The following THSD7B variants were observed in gnomAD, a reference collection of about 807,000 sequenced individuals.
The protein encoded by THSD7B is thrombospondin type 1 domain containing 7B.
Under a neutral mutation model 213.6 loss-of-function variants are expected in THSD7B, and 138 were observed. The ratio of observed to expected loss-of-function variants is 0.65; its 90% CI spans 0.56 to 0.74. THSD7B has a LOEUF of 0.74. THSD7B is among the 30% of genes least tolerant of loss of function. The probability of loss-of-function intolerance (pLI) is 0.00; values close to 1 mark genes in which losing one functional copy is unlikely to be tolerated. For synonymous variants in THSD7B, 742 were observed against 687.0 expected, an observed-to-expected ratio of 1.08 and a Z score of -1.25; for missense variants, 1,931 against 1,991.5, an observed-to-expected ratio of 0.97 and a Z score of 0.58.
chr2:137,446,679 G>C (rs1687548059), intron 14 of THSD7B, among the ~76,000 whole-genome samples: 1 of 151,944 alleles, frequency 6.6e-6, no homozygotes, highest in African/African-American at 2.4e-5. Context: ...AGTATCCCTA[G>C]GCCAAGTAAT....
At chr2:137,671,770 C>G (rs1477412501) in intron 27 of THSD7B, among the ~76,000 whole-genome samples, 1 of 152,152 alleles carries the variant, frequency 6.6e-6, no homozygotes, top group Non-Finnish European at 1.5e-5. Flanking sequence ...CAAAGCCTAA[C>G]CGTATCAGGC....
intron 23 of THSD7B, 40 bp downstream of exon 23, chr2:137,657,009 C>G (rs765541750): frequency 1.2e-6 from 2 of 1,613,074 alleles, no homozygotes. Flanking sequence ...CTTCATTGAT[C>G]AATGCTTATT....
chr2:137,390,483 A>G, intron 12 of THSD7B, among the ~76,000 whole-genome samples: 1 of 152,198 alleles, frequency 6.6e-6, no homozygotes. Flanking sequence ...ATCTGCAAAG[A>G]GAAACAATTT....
At chr2:136,870,979 C>T (rs1224561959) in intron 1 of THSD7B, among the ~76,000 whole-genome samples, 1 of 151,622 alleles carries the variant, frequency 6.6e-6, no homozygotes, top group Non-Finnish European at 1.5e-5. Flanking sequence ...TGGTGTCTTG[C>T]ATTAGGAGGG....
intron 3 of THSD7B, among the ~76,000 whole-genome samples, chr2:137,087,047 G>A (rs2104910141): frequency 6.6e-6 from 1 of 152,050 alleles, no homozygotes; most frequent in South Asian, 2.1e-4. Flanking sequence ...TTCATATCCT[G>A]GGATATTACT....
At chr2:137,211,161 T>TC (rs1681094232) in intron 7 of THSD7B, among the ~76,000 whole-genome samples, 1 of 151,942 alleles carries the variant, frequency 6.6e-6, no homozygotes, top group Non-Finnish European at 1.5e-5. Context: ...CACTTTGGCT[T>TC]CGGAAATGAG....
intron 1 of THSD7B, among the ~76,000 whole-genome samples, chr2:136,790,112 T>G (rs1331824816): frequency 6.8e-6 from 1 of 146,044 alleles, no homozygotes; most frequent in Non-Finnish European, 1.5e-5. Context: ...CTGGTTTGTG[T>G]GTGTGTTTGT....
chr2:137,020,271 G>T (rs2104842595), intron 2 of THSD7B, among the ~76,000 whole-genome samples: 1 of 152,250 alleles, frequency 6.6e-6, no homozygotes. Flanking sequence ...GTGTTCTGAG[G>T]GAAGCAAGTG....
intron 1 of THSD7B, among the ~76,000 whole-genome samples, chr2:136,805,946 T>G (rs1314869014): frequency 7.2e-5 from 11 of 152,188 alleles, no homozygotes; most frequent in African/African-American, 2.4e-4. Context: ...AGTAAAACCT[T>G]TAATGAACTC....
chr2:136,934,512 T>C (rs1181063459), intron 2 of THSD7B, among the ~76,000 whole-genome samples: 1 of 152,228 alleles, frequency 6.6e-6, no homozygotes, highest in Non-Finnish European at 1.5e-5. Context: ...TGCATTATCA[T>C]TGCATAAACA....
At chr2:136,843,418 C>G (rs115184445) in intron 1 of THSD7B, among the ~76,000 whole-genome samples, 6 of 152,128 alleles carry the variant, frequency 3.9e-5, no homozygotes, top group African/African-American at 1.4e-4. Context: ...GTTCTTTTCT[C>G]CTGCATCATA....
chr2:137,042,674 C>A (rs1477824078), intron 2 of THSD7B, among the ~76,000 whole-genome samples: 1 of 152,158 alleles, frequency 6.6e-6, no homozygotes, highest in Non-Finnish European at 1.5e-5. Flanking sequence ...CAGTTGGAAT[C>A]AGATGAGATG....
chr2:137,203,582 C>T (rs544197913), intron 7 of THSD7B, among the ~76,000 whole-genome samples: 1 of 151,852 alleles, frequency 6.6e-6, no homozygotes, highest in East Asian at 1.9e-4. Flanking sequence ...GAAAAAAAAC[C>T]TTTTTTTATT....
At chr2:136,944,038 T>C (rs1381536690) in intron 2 of THSD7B, among the ~76,000 whole-genome samples, 1 of 152,220 alleles carries the variant, frequency 6.6e-6, no homozygotes, top group Non-Finnish European at 1.5e-5. Context: ...CATTTCCCTC[T>C]ATACACTGCT....
At chr2:137,377,092 A>C (rs1685673696) in intron 12 of THSD7B, among the ~76,000 whole-genome samples, 2 of 152,194 alleles carry the variant, frequency 1.3e-5, no homozygotes, top group Non-Finnish European at 2.9e-5. Flanking sequence ...CAATTGATTC[A>C]TAGATATTTA....
In THSD7B at chr2:137,178,432, A is replaced by G. The variant is rs1558948439; in HGVS notation, c.1723+7494A>G. Reference sequence around the variant, plus strand: ...GACAAATACATTGTATTAAATTTTGAAATGAACCTGACATTGCAGTTGGAA... The same window carrying G: ...GACAAATACATTGTATTAAATTTTGGAATGAACCTGACATTGCAGTTGGAA... On this transcript the variant is annotated intron_variant, in intron 7 of 27. Transcript: ENST00000409968. 2.6e-5 allele frequency among the ~76,000 whole-genome samples: 4 copies of G among 152,306 alleles called. No homozygotes were observed. In the South Asian group the frequency reaches 8.3e-4, roughly 32 times the overall value.
chr2:137,254,397 G>A (rs1682257064), intron 10 of THSD7B, among the ~76,000 whole-genome samples: 1 of 152,294 alleles, frequency 6.6e-6, no homozygotes, highest in African/African-American at 2.4e-5. Context: ...AAGCTCTGTT[G>A]CAAGTGTGTT....
rs115568313 is a variant in THSD7B at position 137,270,589 on chromosome 2, C to A, written c.2267-1944C>A. ...AATGACAGAACATTAATGGGTAAGA[C>A]CAAAAAGTAGAGAAATTGATGACAC... On this transcript the variant is annotated intron_variant, in intron 10 of 27. Coordinates refer to ENST00000409968, the MANE Select transcript of THSD7B (RefSeq NM_001316349.2). Among the ~76,000 whole-genome samples the A allele has an allele frequency of 6.0e-3, 907 of 152,004 alleles. 9 individuals are homozygous for A. Among genetic ancestry groups the A allele is most frequent in the African/African-American group, 0.02 (823 of 41,446 alleles).
chr2:136,887,636 T>C lies in THSD7B; in HGVS notation c.139+5319T>C, dbSNP rs934827446. Among the ~76,000 whole-genome samples, 6 of 152,210 alleles carry C rather than the reference T, an allele frequency of 3.9e-5. No homozygotes were observed. In the East Asian group the frequency reaches 1.2e-3, roughly 29 times the overall value. Reference sequence around the variant, plus strand: ...CTGGCTCTCCCTTTGCCTTCCTCTCTGATTGTAAGCTTCCTGAGGTCTCAC... The same window carrying C: ...CTGGCTCTCCCTTTGCCTTCCTCTCCGATTGTAAGCTTCCTGAGGTCTCAC... On this transcript the variant is annotated intron_variant, in intron 2 of 27. Transcript: ENST00000409968.
Sources: allele counts gnomAD v4.1 joint callset (sites outside exome capture counted in the v4.1 genomes callset), GRCh38; gene constraint gnomAD v4.1.1; transcripts MANE v1.5; gene names NCBI Gene and HGNC (gene_info 2026-07-23, HGNC 2026-07-21).